The following ZNF513 variants were observed in gnomAD, a reference collection of about 807,000 sequenced individuals.
The protein encoded by ZNF513 is zinc finger protein 513.
Under a neutral mutation model 39.7 loss-of-function variants are expected in ZNF513, and 16 were observed. The ratio of observed to expected loss-of-function variants is 0.40; its 90% CI spans 0.27 to 0.61. ZNF513 has a LOEUF of 0.61. Ranked by LOEUF, ZNF513 falls within the 20% of genes least tolerant of loss-of-function variation. The pLI, the probability that ZNF513 is intolerant of heterozygous loss-of-function variation, is 0.39. For synonymous variants in ZNF513, 348 were observed against 296.5 expected, an observed-to-expected ratio of 1.17 and a Z score of -1.79; for missense variants, 699 against 743.6, an observed-to-expected ratio of 0.94 and a Z score of 0.70.
At chr2:27,379,086 C>G (rs1318516810) in intron 2 of ZNF513, 32 bp from the exon 3 acceptor site, 2 of 1,603,026 alleles carry the variant, frequency 1.2e-6, no homozygotes, top group Middle Eastern at 1.8e-4. Context: ...GAGACATCAG[C>G]ATAGGGTAGG....
In ZNF513 at chr2:27,380,124, G is replaced by C; in HGVS notation, c.180C>G (p.Asp60Glu). 1 of 1,614,088 alleles carries C rather than the reference G, an allele frequency of 6.2e-7. No individual in the cohort carries two copies. Among genetic ancestry groups the C allele is most frequent in the Non-Finnish European group, 8.5e-7 (1 of 1,180,006 alleles). Residue 60 changes from aspartate to glutamate, a missense_variant, in exon 2 of 4, where the codon GAC (aspartate) becomes GAG (glutamate). Physicochemically the swap from Asp to Glu is conservative, Grantham distance 45 (BLOSUM62 2). Around this residue, in one of 3 missense-constraint regions of ZNF513, gnomAD observed 530 missense variants for 499.3 expected, o/e 1.06. Transcript: ENST00000323703. ...EEEEEGDGNS[D>E]QLMGFERDSE... ...AGTCTCTCTCGAAGCCCATGAGCTG[G>C]TCACTGTTGCCGTCGCCTTCCTCCT...
rs1683367053 is a variant in ZNF513, at chr2:27,377,431, G to A, written c.*114C>T. On this transcript the variant is annotated 3_prime_UTR_variant, in exon 4 of 4. Coordinates refer to ENST00000323703, the MANE Select transcript of ZNF513 (RefSeq NM_144631.6). The surrounding 1 kb of genome is among the most constrained non-coding windows in gnomAD (Gnocchi z 4.4). ...CCATATGGGCCCCCCCGCCCATGGG[G>A]TTGGGCTGGTCCTTATAGTGCCTAC... 1 of 1,189,990 alleles carries A rather than the reference G, an allele frequency of 8.4e-7. No homozygotes were observed. The highest frequency in any genetic ancestry group is 1.5e-5 in the African/African-American group (1 of 66,680). The allele number at this position is 1,189,990 out of a possible 1,614,324, so 73.7% of individuals were successfully genotyped here.
intron 2 of ZNF513, among the ~76,000 whole-genome samples, 190 bp downstream of exon 2, chr2:27,379,903 C>G (rs1239677843): frequency 2.0e-5 from 3 of 152,170 alleles, no homozygotes; most frequent in Non-Finnish European, 4.4e-5. Flanking sequence ...TTGACCAGGC[C>G]TCAGAACTTC....
Position 27,377,507 on chromosome 2 carries a change from G to A in ZNF513, c.*38C>T, listed in dbSNP as rs1326443174. ...AGCGGGGGAGAAAAAGGTGGCTTCT[G>A]GTCCGTCTGTATAAAACATGGGGAA... On this transcript the variant is annotated 3_prime_UTR_variant, in exon 4 of 4. Coordinates refer to ENST00000323703, the MANE Select transcript of ZNF513 (RefSeq NM_144631.6). This position sits in a 1 kb window ranked among gnomAD's most constrained non-coding sequence, Gnocchi z 4.4. The A allele has an allele frequency of 1.2e-6, 2 of 1,608,102 alleles. No individual in the cohort carries two copies. Among genetic ancestry groups the A allele is most frequent in the East Asian group, 2.2e-5 (1 of 44,852 alleles).
rs1475358513 is a variant in ZNF513 at position 27,378,564 on chromosome 2, A to T, written c.702T>A (p.Pro234=). 1 of 1,613,888 alleles carries T rather than the reference A, an allele frequency of 6.2e-7. No homozygotes were observed. The highest frequency in any genetic ancestry group is 1.7e-5 in the Admixed American group (1 of 60,022). ...HQRTHAGPPT[P]PCPTCGFRCC... Reference sequence around the variant, plus strand: ...AGCGGAAGCCACAGGTCGGGCAGGGAGGAGTGGGGGGCCCTGCGTGGGTAC... The same window carrying T: ...AGCGGAAGCCACAGGTCGGGCAGGGTGGAGTGGGGGGCCCTGCGTGGGTAC... The change falls in exon 3 of 4, where the codon CCT becomes CCA. Residue 234 remains proline, a synonymous_variant. Coordinates refer to ENST00000323703, the MANE Select transcript of ZNF513 (RefSeq NM_144631.6). This position sits in a 1 kb window ranked among gnomAD's most constrained non-coding sequence, Gnocchi z 8.0.
chr2:27,379,206 G>A (rs1429726546), intron 2 of ZNF513, 152 bp from the exon 3 acceptor site: 7 of 722,140 alleles, frequency 9.7e-6, no homozygotes, highest in Non-Finnish European at 1.6e-5. Context: ...GGTCTCCCCT[G>A]CAGTAATTCC....
rs1042200808 is a variant in ZNF513, at chr2:27,380,701, G to A, written c.-175C>T. The A allele has an allele frequency of 9.8e-7, 1 of 1,018,310 alleles. No homozygotes were observed. The highest frequency in any genetic ancestry group is 1.7e-5 in the African/African-American group (1 of 59,968). 63.1% of individuals were successfully genotyped at this position (1,018,310 alleles called of 1,614,324 possible). A position where few individuals can be genotyped will look rare whatever the true frequency, so the allele number is the denominator to read the frequency against. ...CCGGCGCCCAGCTCAGGCCGCTCCCGCCGCCGCCGCCGCTTCCATTCATGG... is the reference window on the plus strand; with the variant it reads ...CCGGCGCCCAGCTCAGGCCGCTCCCACCGCCGCCGCCGCTTCCATTCATGG... On this transcript the variant is annotated 5_prime_UTR_variant, in exon 1 of 4. Coordinates refer to ENST00000323703, the MANE Select transcript of ZNF513 (RefSeq NM_144631.6).
chr2:27,378,631 G>A lies in ZNF513; in HGVS notation c.635C>T (p.Pro212Leu). 6.2e-7 allele frequency: 1 copy of A among 1,613,904 alleles called. No individual in the cohort carries two copies. The change falls in exon 3 of 4, where the codon CCC becomes CTC. Residue 212 changes from proline to leucine, a missense_variant. Physicochemically the swap from Pro to Leu is moderately conservative, Grantham distance 98. Transcript: ENST00000323703. The surrounding 1 kb of genome is among the most constrained non-coding windows in gnomAD (Gnocchi z 8.0). ...GEKPYRCPHC[P>L]FACSSLGNLR... The stretch of plus-strand genomic sequence containing the variant: ...GTTGCCCAGGCTGCTGCAGGCAAAG[G>A]GGCAGTGGGGACAGCGGTAGGGCTT...
Position 27,380,696 on chromosome 2 carries a change from C to G in ZNF513, c.-170G>C, listed in dbSNP as rs1387446245. On this transcript the variant is annotated 5_prime_UTR_variant, in exon 1 of 4. Transcript: ENST00000323703. ...TGGCCCCGGCGCCCAGCTCAGGCCG[C>G]TCCCGCCGCCGCCGCCGCTTCCATT... is the stretch of plus-strand genomic sequence containing the variant. 4 of 1,166,084 alleles carry G rather than the reference C, an allele frequency of 3.4e-6. No individual in the cohort carries two copies. The highest frequency in any genetic ancestry group is 4.3e-6 in the Non-Finnish European group (4 of 928,348). The allele number at this position is 1,166,084 out of a possible 1,614,324, so 72.2% of individuals were successfully genotyped here.
rs187524222 is a variant in ZNF513 at position 27,377,415 on chromosome 2, C to A, written c.*130G>T. The A allele has an allele frequency of 2.0e-6, 2 of 1,013,658 alleles. No homozygotes were observed. Among genetic ancestry groups the A allele is most frequent in the Admixed American group, 4.0e-5 (2 of 50,590 alleles). The allele number at this position is 1,013,658 out of a possible 1,614,324, so 62.8% of individuals were successfully genotyped here. Reference sequence around the variant, plus strand: ...GGCAAGGTCCCCTGGTCCATATGGGCCCCCCCGCCCATGGGGTTGGGCTGG... The same window carrying A: ...GGCAAGGTCCCCTGGTCCATATGGGACCCCCCGCCCATGGGGTTGGGCTGG... On this transcript the variant is annotated 3_prime_UTR_variant, in exon 4 of 4. Coordinates refer to ENST00000323703, the MANE Select transcript of ZNF513 (RefSeq NM_144631.6). The surrounding 1 kb of genome is among the most constrained non-coding windows in gnomAD (Gnocchi z 4.4).
chr2:27,380,640 A>G lies in ZNF513; in HGVS notation c.-114T>C. ...CAGGGCCCGCGGGCCGCCCCCATGC[A>G]GCGGCGCGGGCCCTGGGCAGCCCCC... is the stretch of plus-strand genomic sequence containing the variant. On this transcript the variant is annotated 5_prime_UTR_variant, in exon 1 of 4. Coordinates refer to ENST00000323703, the MANE Select transcript of ZNF513 (RefSeq NM_144631.6). 2 of 1,417,452 alleles carry G rather than the reference A, an allele frequency of 1.4e-6. No individual in the cohort carries two copies. Among genetic ancestry groups the G allele is most frequent in the Non-Finnish European group, 1.8e-6 (2 of 1,090,210 alleles). The allele number at this position is 1,417,452 out of a possible 1,614,324, so 87.8% of individuals were successfully genotyped here.
chr2:27,378,336 G>A lies in ZNF513; in HGVS notation c.835C>T (p.Pro279Ser), dbSNP rs1459322852. ...LLLPDLSLHVPPGGASFLPDC... is the reference protein window; with the variant it reads ...LLLPDLSLHVSPGGASFLPDC... ...GGCAGGAAACTGGCACCACCTGGTG[G>A]CACATGGAGGCTCAAATCTGGAAGG... is the stretch of plus-strand genomic sequence containing the variant. Residue 279 changes from proline (P) to serine (S), a missense_variant, in exon 4 of 4, where the codon CCA (proline) becomes TCA (serine). Pro to Ser is a moderately conservative substitution (Grantham distance 74). Transcript: ENST00000323703. The surrounding 1 kb of genome is among the most constrained non-coding windows in gnomAD (Gnocchi z 8.0). 6.2e-7 allele frequency: 1 copy of A among 1,601,640 alleles called. No individual in the cohort carries two copies. Among genetic ancestry groups the A allele is most frequent in the Non-Finnish European group, 8.5e-7 (1 of 1,179,980 alleles).
rs928672847 is a variant in ZNF513, at chr2:27,378,659, C to T, written c.607G>A (p.Glu203Lys). 3.1e-6 allele frequency: 5 copies of T among 1,613,704 alleles called. No homozygotes were observed. The highest frequency in any genetic ancestry group is 3.3e-5 in the Admixed American group (2 of 60,002). ...LTRHTRTHTG[E>K]KPYRCPHCPF... ...CAGTGGGGACAGCGGTAGGGCTTCT[C>T]GCCAGTGTGGGTGCGGGTATGTCGT... Residue 203 changes from glutamate (E) to lysine (K), a missense_variant, in exon 3 of 4, where the codon GAG (glutamate) becomes AAG (lysine). This residue lies in a region of ZNF513 where 530 missense variants were observed against 499.3 expected (regional missense o/e 1.06). Transcript: ENST00000323703. This position sits in a 1 kb window ranked among gnomAD's most constrained non-coding sequence, Gnocchi z 8.0.
chr2:27,380,007 A>G (rs2148414945), intron 2 of ZNF513, 86 bp downstream of exon 2: 2 of 1,560,162 alleles, frequency 1.3e-6, no homozygotes, highest in East Asian at 4.5e-5. Context: ...TGTGGCAGGA[A>G]ATGGTGTTCT....
chr2:27,378,537 G>A lies in ZNF513; in HGVS notation c.729C>T (p.Cys243=), dbSNP rs760792244. 1.5e-5 allele frequency: 25 copies of A among 1,614,110 alleles called. No individual in the cohort carries two copies. The highest frequency in any genetic ancestry group is 1.7e-5 in the Non-Finnish European group (20 of 1,180,034). Reference sequence around the variant, plus strand: ...GAGGCCGGGCTGGTCGTGGAGTACAGCAGCGGAAGCCACAGGTCGGGCAGG... The same window carrying A: ...GAGGCCGGGCTGGTCGTGGAGTACAACAGCGGAAGCCACAGGTCGGGCAGG... The part of the protein sequence containing the change: ...TPPCPTCGFR[C]CTPRPARPPS... The change falls in exon 3 of 4, where the codon TGC becomes TGT. Residue 243 remains cysteine, a synonymous_variant. Coordinates refer to ENST00000323703, the MANE Select transcript of ZNF513 (RefSeq NM_144631.6). The surrounding 1 kb of genome is among the most constrained non-coding windows in gnomAD (Gnocchi z 8.0).
rs749804696 is a variant in ZNF513, at chr2:27,378,238, TAGC to T, written c.930_932del (p.Leu311del). On this transcript the variant is annotated inframe_deletion, in exon 4 of 4. Coordinates refer to ENST00000323703, the MANE Select transcript of ZNF513 (RefSeq NM_144631.6). This position sits in a 1 kb window ranked among gnomAD's most constrained non-coding sequence, Gnocchi z 8.0. ...CACAGCCCCGGCAGGTCCAAGGGAA[TAGC>T]AGCTCTGGCAGTGGTTCTGATCCAG... The T allele has an allele frequency of 3.7e-6, 6 of 1,603,508 alleles. No homozygotes were observed. The highest frequency in any genetic ancestry group is 2.2e-5 in the East Asian group (1 of 44,874).
At chr2:27,380,051 C>T (rs751687690) in intron 2 of ZNF513, 42 bp downstream of exon 2, 2 of 1,613,476 alleles carry the variant, frequency 1.2e-6, no homozygotes, top group African/African-American at 2.7e-5. Flanking sequence ...GGGCTGGGGT[C>T]TCCAGCGGCC....
rs1047097245 is a variant in ZNF513 at position 27,380,261 on chromosome 2, G to A, written c.56-13C>T. 5 of 1,613,614 alleles carry A rather than the reference G, an allele frequency of 3.1e-6. No homozygotes were observed. The highest frequency in any genetic ancestry group is 3.3e-5 in the Admixed American group (2 of 59,954). The stretch of plus-strand genomic sequence containing the variant: ...TCTTCAGTATCCACTGAAGAGGGGA[G>A]GGGGCTTGTGGATTCTCCCTCAGGA... On this transcript the variant is annotated splice_polypyrimidine_tract_variant and intron_variant, in intron 1 of 3. Transcript: ENST00000323703.
rs1413827638 is a variant in ZNF513 at position 27,377,572 on chromosome 2, G to A, written c.1599C>T (p.Ser533=). 1 of 1,614,054 alleles carries A rather than the reference G, an allele frequency of 6.2e-7. No individual in the cohort carries two copies. ...AGGATGAGTCTGTGTGGACAGCCCG[G>A]CTGCCAGCAGTCCCCAGGGCTGGTG... The part of the protein sequence containing the change: ...RGPPALGTAG[S]RAVHTDSS Residue 533 remains serine, a synonymous_variant, in exon 4 of 4, where the codon AGC becomes AGT. Transcript: ENST00000323703. The surrounding 1 kb of genome is among the most constrained non-coding windows in gnomAD (Gnocchi z 4.4).
Sources: gnomAD v4.1 joint callset for allele counts (sites outside exome capture counted in the v4.1 genomes callset) on GRCh38, gnomAD v4.1.1 for gene constraint, gnomAD v4.1.1 regional missense constraint, Gnocchi (gnomAD v3.1) non-coding constraint, MANE v1.5 for transcripts, NCBI Gene and HGNC (gene_info 2026-07-23, HGNC 2026-07-21) for gene names.